ZSWIM8: variants seen among roughly 807,000 people sequenced by gnomAD.
The protein encoded by ZSWIM8 is zinc finger SWIM-type containing 8.
Under a neutral mutation model 173.7 loss-of-function variants are expected in ZSWIM8, and 27 were observed. That is an observed-to-expected ratio of 0.16 (90% CI 0.11 to 0.21). The LOEUF is 0.21. ZSWIM8 is among the 10% of genes least tolerant of loss of function. The pLI is 1.00. For synonymous variants in ZSWIM8, 958 were observed against 962.0 expected (o/e 1.00, Z 0.08); for missense variants, 1,627 against 2,428.8 (o/e 0.67, Z 6.94).
chr10:73,800,971 G>A lies in ZSWIM8; in HGVS notation c.5123-46G>A. ...GAGATCTGTAAGTTGGGTCCCTAGG[G>A]CAGAGGTGGCCACCCCCGTCTCATG... On this transcript the variant is annotated intron_variant, in intron 24 of 25. Coordinates refer to ENST00000604729, the MANE Select transcript of ZSWIM8 (RefSeq NM_001367799.1). The surrounding 1 kb of genome is among the most constrained non-coding windows in gnomAD (Gnocchi z 4.1). The A allele has an allele frequency of 6.6e-7, 1 of 1,507,090 alleles. No homozygotes were observed. The allele number at this position is 1,507,090 out of a possible 1,614,324, so 93.4% of individuals were successfully genotyped here. A position where few individuals can be genotyped will look rare whatever the true frequency, so the allele number is the denominator to read the frequency against.
At position 73,797,463 on chromosome 10, in the gene ZSWIM8, G is replaced by A; in HGVS notation, c.3520G>A (p.Ala1174Thr). ...LSRRPLRGGWAPTSWGRGQDS... is the reference protein window; with the variant it reads ...LSRRPLRGGWTPTSWGRGQDS... ...CCGGAGACCACTTCGAGGGGGCTGG[G>A]CCCCCACCTCCTGGGGTCGAGGTCA... The change falls in exon 18 of 26, where the codon GCC becomes ACC. Residue 1174 changes from alanine to threonine, a missense_variant. Physicochemically the swap from Ala to Thr is moderately conservative, Grantham distance 58. This residue lies in a region of ZSWIM8 where 72 missense variants were observed against 98.4 expected (regional missense o/e 0.73). Coordinates refer to ENST00000604729, the MANE Select transcript of ZSWIM8 (RefSeq NM_001367799.1). The surrounding 1 kb of genome is among the most constrained non-coding windows in gnomAD (Gnocchi z 5.6). The A allele has an allele frequency of 6.2e-7, 1 of 1,613,924 alleles. No homozygotes were observed. The highest frequency in any genetic ancestry group is 8.5e-7 in the Non-Finnish European group (1 of 1,179,856).
Position 73,791,203 on chromosome 10 carries a change from G to T in ZSWIM8, c.1143+27G>T, listed in dbSNP as rs753738471. Reference sequence around the variant, plus strand: ...TAATCACTCAGCGTTGGGGAGCCCCGTGGTAGCTCATTCTTTCCCTCCCCC... The same window carrying T: ...TAATCACTCAGCGTTGGGGAGCCCCTTGGTAGCTCATTCTTTCCCTCCCCC... On this transcript the variant is annotated intron_variant, in intron 8 of 25. Transcript: ENST00000604729. This position sits in a 1 kb window ranked among gnomAD's most constrained non-coding sequence, Gnocchi z 6.0. 2 of 1,574,966 alleles carry T rather than the reference G, an allele frequency of 1.3e-6. No homozygotes were observed. Among genetic ancestry groups the T allele is most frequent in the African/African-American group, 1.3e-5 (1 of 74,166 alleles).
intron 1 of ZSWIM8, chr10:73,786,327 GGTGTGTGTGTGTGT>G: frequency 2.4e-6 from 1 of 418,208 alleles, no homozygotes; most frequent in Non-Finnish European, 4.2e-6. Flanking sequence ...TGTGTGTGTG[GGTGTGTGTGTGTGT>G]GTGTGCGCGC....
chr10:73,789,588 C>A lies in ZSWIM8; in HGVS notation c.630+49C>A, dbSNP rs3829128. 1.7e-5 allele frequency: 27 copies of A among 1,590,520 alleles called. No individual in the cohort carries two copies. Among genetic ancestry groups the A allele is most frequent in the East Asian group, 9.1e-5 (4 of 44,134 alleles). ...GGCCCTATCCTACACTCCATCCCCC[C>A]CTTCTCTGCTGCATGCCTGGCTACA... On this transcript the variant is annotated intron_variant, in intron 4 of 25. Transcript: ENST00000604729. The surrounding 1 kb of genome is among the most constrained non-coding windows in gnomAD (Gnocchi z 6.8).
chr10:73,790,332 G>T, intron 7 of ZSWIM8, 40 bp downstream of exon 7: 4 of 1,558,860 alleles, frequency 2.6e-6, no homozygotes, highest in Middle Eastern at 1.7e-4. Context: ...GTGGTGGAGG[G>T]GGAGCGTCCC....
Position 73,789,934 on chromosome 10 carries a change from C to G in ZSWIM8, c.739-22C>G. The G allele has an allele frequency of 6.2e-7, 1 of 1,609,326 alleles. No individual in the cohort carries two copies. Among genetic ancestry groups the G allele is most frequent in the South Asian group, 1.1e-5 (1 of 90,076 alleles). On this transcript the variant is annotated intron_variant, in intron 5 of 25. Transcript: ENST00000604729. This position sits in a 1 kb window ranked among gnomAD's most constrained non-coding sequence, Gnocchi z 6.8. ...GTTCACCTAGGCCGTGTTCTGCCTGCCTCCGTCTCTTTCTCCCTCAGATCC... is the reference window on the plus strand; with the variant it reads ...GTTCACCTAGGCCGTGTTCTGCCTGGCTCCGTCTCTTTCTCCCTCAGATCC...
Position 73,797,129 on chromosome 10 carries a change from C to T in ZSWIM8, c.3291C>T (p.Ser1097=). Residue 1097 remains serine (S), a synonymous_variant, in exon 17 of 26, where the codon TCC becomes TCT. Coordinates refer to ENST00000604729, the MANE Select transcript of ZSWIM8 (RefSeq NM_001367799.1). The surrounding 1 kb of genome is among the most constrained non-coding windows in gnomAD (Gnocchi z 5.6). Reference sequence around the variant, plus strand: ...CTCACCTAGAGAGTTCCCCACATTCCCCCTGTGAGGGTCTTCCATCTGAGG... The same window carrying T: ...CTCACCTAGAGAGTTCCCCACATTCTCCCTGTGAGGGTCTTCCATCTGAGG... ...EKNVPESSPH[S]PCEGLPSEAA... 1 of 1,613,602 alleles carries T rather than the reference C, an allele frequency of 6.2e-7. No homozygotes were observed. The highest frequency in any genetic ancestry group is 8.5e-7 in the Non-Finnish European group (1 of 1,179,710).
chr10:73,794,670 C>T, intron 14 of ZSWIM8, 31 bp downstream of exon 14: 1 of 1,531,016 alleles, frequency 6.5e-7, no homozygotes, highest in Non-Finnish European at 8.9e-7. Context: ...CGAGCTAAGC[C>T]TGGTTCAGGT....
Position 73,789,205 on chromosome 10 carries a change from A to G in ZSWIM8, c.457+15A>G, listed in dbSNP as rs1193293418. On this transcript the variant is annotated intron_variant, in intron 3 of 25. Coordinates refer to ENST00000604729, the MANE Select transcript of ZSWIM8 (RefSeq NM_001367799.1). The surrounding 1 kb of genome is among the most constrained non-coding windows in gnomAD (Gnocchi z 6.8). Reference sequence around the variant, plus strand: ...ATTGCAGATAGGTGAGTGGGCCATCATGCCATGTGGCACATCCTGCTCCTC... The same window carrying G: ...ATTGCAGATAGGTGAGTGGGCCATCGTGCCATGTGGCACATCCTGCTCCTC... 6.2e-7 allele frequency: 1 copy of G among 1,613,528 alleles called. No homozygotes were observed. The highest frequency in any genetic ancestry group is 8.5e-7 in the Non-Finnish European group (1 of 1,179,422).
Position 73,794,579 on chromosome 10 carries a change from T to G in ZSWIM8, c.2848T>G (p.Trp950Gly), listed in dbSNP as rs1466303404. 6.4e-7 allele frequency: 1 copy of G among 1,560,218 alleles called. No homozygotes were observed. Among genetic ancestry groups the G allele is most frequent in the East Asian group, 2.4e-5 (1 of 41,770 alleles). Residue 950 changes from tryptophan to glycine, a missense_variant, in exon 14 of 26, where the codon TGG (tryptophan) becomes GGG (glycine). Coordinates refer to ENST00000604729, the MANE Select transcript of ZSWIM8 (RefSeq NM_001367799.1). ...AGGTTCCCGGCCCCCAAGTCGCAAC[T>G]GGAACAGCGAGACACCTGGGGATGA... ...PTGSRPPSRN[W>G]NSETPGDEEL...
intron 1 of ZSWIM8, among the ~76,000 whole-genome samples, chr10:73,788,449 GC>G (rs35144539): frequency 6.6e-6 from 1 of 152,182 alleles, no homozygotes; most frequent in African/African-American, 2.4e-5. Context: ...CTTAGGTGTA[GC>G]CGGCTGTGGG....
rs375255301 is a variant in ZSWIM8 at position 73,797,570 on chromosome 10, T to A, written c.3627T>A (p.Ser1209Arg). The A allele has an allele frequency of 3.7e-6, 6 of 1,613,796 alleles. No individual in the cohort carries two copies. The highest frequency in any genetic ancestry group is 5.1e-6 in the Non-Finnish European group (6 of 1,179,874). Reference sequence around the variant, plus strand: ...GTGGAAGTCGCCGGGCCAGTGCCAGTGGAGGAGCCCGGGCGAAGACTGTTG... The same window carrying A: ...GTGGAAGTCGCCGGGCCAGTGCCAGAGGAGGAGCCCGGGCGAAGACTGTTG... ...SSSGSRRASA[S>R]GGARAKTVEV... The change falls in exon 18 of 26, where the codon AGT (serine) becomes AGA (arginine). Residue 1209 changes from serine (S) to arginine (R), a missense_variant. By Grantham distance (110) the Ser-to-Arg change is moderately radical. This residue lies in a region of ZSWIM8 where 72 missense variants were observed against 98.4 expected (regional missense o/e 0.73). Transcript: ENST00000604729. The surrounding 1 kb of genome is among the most constrained non-coding windows in gnomAD (Gnocchi z 5.6).
In ZSWIM8 at chr10:73,800,495, G is replaced by A. The variant is rs762732496; in HGVS notation, c.5002+23G>A. 2 of 1,612,106 alleles carry A rather than the reference G, an allele frequency of 1.2e-6. No individual in the cohort carries two copies. Among genetic ancestry groups the A allele is most frequent in the South Asian group, 2.2e-5 (2 of 90,878 alleles). On this transcript the variant is annotated intron_variant, in intron 23 of 25. Coordinates refer to ENST00000604729, the MANE Select transcript of ZSWIM8 (RefSeq NM_001367799.1). The surrounding 1 kb of genome is among the most constrained non-coding windows in gnomAD (Gnocchi z 4.1). ...TCGGTGAGAGGACATCCCTTTCTGT[G>A]CTCCTACCTGCAGTTGTGCCAGTGG...
chr10:73,794,615 T>A lies in ZSWIM8; in HGVS notation c.2884T>A (p.Phe962Ile). 1 of 1,554,798 alleles carries A rather than the reference T, an allele frequency of 6.4e-7. No homozygotes were observed. ...GACACCTGGGGATGAGGAGCTTGGA[T>A]TTGAAGCAGCAGTTGCTGCCTTGGG... ...SETPGDEELGFEAAVAALGMK... is the reference protein window; with the variant it reads ...SETPGDEELGIEAAVAALGMK... The change falls in exon 14 of 26, where the codon TTT becomes ATT. Residue 962 changes from phenylalanine (F) to isoleucine (I), a missense_variant. Transcript: ENST00000604729.
Position 73,796,855 on chromosome 10 carries a change from A to T in ZSWIM8, c.3115A>T (p.Thr1039Ser). 2 of 1,614,024 alleles carry T rather than the reference A, an allele frequency of 1.2e-6. No homozygotes were observed. Among genetic ancestry groups the T allele is most frequent in the Non-Finnish European group, 1.7e-6 (2 of 1,179,888 alleles). The change falls in exon 16 of 26, where the codon ACC (threonine) becomes TCC (serine). Residue 1039 changes from threonine to serine, a missense_variant. By Grantham distance (58) the Thr-to-Ser change is moderately conservative. Around this residue, in one of 18 missense-constraint regions of ZSWIM8, gnomAD observed 163 missense variants for 193.2 expected, o/e 0.84. Coordinates refer to ENST00000604729, the MANE Select transcript of ZSWIM8 (RefSeq NM_001367799.1). ...LSSFYSSSRP[T>S]TASQRSPSKH... ...TTCTTTCTACTCATCTAGCCGCCCA[A>T]CCACAGCCAGCCAGAGGTCTCCTTC...
chr10:73,795,677 G>C lies in ZSWIM8; in HGVS notation c.3033+14G>C. ...AAGCTTAAGAAGGTAAGAGACTGGG[G>C]CTGGGTGCGGTGGCTCATGCCTGTA... On this transcript the variant is annotated intron_variant, in intron 15 of 25. Coordinates refer to ENST00000604729, the MANE Select transcript of ZSWIM8 (RefSeq NM_001367799.1). The C allele has an allele frequency of 6.2e-7, 1 of 1,608,930 alleles. No individual in the cohort carries two copies. The highest frequency in any genetic ancestry group is 8.5e-7 in the Non-Finnish European group (1 of 1,179,172).
At position 73,791,004 on chromosome 10, in the gene ZSWIM8, C is replaced by T. The variant is rs774805647; in HGVS notation, c.971C>T (p.Thr324Met). Residue 324 changes from threonine to methionine, a missense_variant, in exon 8 of 26, where the codon ACG (threonine) becomes ATG (methionine). Coordinates refer to ENST00000604729, the MANE Select transcript of ZSWIM8 (RefSeq NM_001367799.1). The surrounding 1 kb of genome is among the most constrained non-coding windows in gnomAD (Gnocchi z 6.0). Reference sequence around the variant, plus strand: ...GTGAACTCCATGTATCTGTCTTCCACGGAGCCGCCAGCCGCTGCTGAATGG... The same window carrying T: ...GTGAACTCCATGTATCTGTCTTCCATGGAGCCGCCAGCCGCTGCTGAATGG... ...SDVNSMYLSS[T>M]EPPAAAEWAC... 4 of 1,612,156 alleles carry T rather than the reference C, an allele frequency of 2.5e-6. No individual in the cohort carries two copies. The highest frequency in any genetic ancestry group is 1.1e-5 in the South Asian group (1 of 91,072).
rs1263071029 is a variant in ZSWIM8, at chr10:73,800,146, C to T, written c.4801C>T (p.Leu1601Phe). The T allele has an allele frequency of 1.2e-6, 2 of 1,613,644 alleles. No homozygotes were observed. Among genetic ancestry groups the T allele is most frequent in the Non-Finnish European group, 1.7e-6 (2 of 1,179,842 alleles). The change falls in exon 22 of 26, where the codon CTT (leucine) becomes TTT (phenylalanine). Residue 1601 changes from leucine (L) to phenylalanine (F), a missense_variant. Leu to Phe is a conservative substitution (Grantham distance 22). This residue lies in a region of ZSWIM8 where 275 missense variants were observed against 290.1 expected (regional missense o/e 0.95). Transcript: ENST00000604729. This position sits in a 1 kb window ranked among gnomAD's most constrained non-coding sequence, Gnocchi z 4.1. Reference sequence around the variant, plus strand: ...ACATCCCTACCACACAGAGCCAGGGCTTCCACTGCCCACCAGTGTGGCCTG... The same window carrying T: ...ACATCCCTACCACACAGAGCCAGGGTTTCCACTGCCCACCAGTGTGGCCTG... ...TVHPYHTEPG[L>F]PLPTSVALSS...
At chr10:73,787,781 A>G (rs1234185965) in intron 1 of ZSWIM8, among the ~76,000 whole-genome samples, 1 of 152,126 alleles carries the variant, frequency 6.6e-6, no homozygotes, top group East Asian at 1.9e-4. Context: ...TGAACCCAGG[A>G]GGGAGAGGTT....
Sources: allele counts gnomAD v4.1 joint callset (sites outside exome capture counted in the v4.1 genomes callset), GRCh38; gene constraint gnomAD v4.1.1; regional missense constraint gnomAD v4.1.1; non-coding constraint Gnocchi (gnomAD v3.1); transcripts MANE v1.5; gene names NCBI Gene and HGNC (gene_info 2026-07-23, HGNC 2026-07-21).